The following NOM1 variants were observed in gnomAD, a reference collection of about 807,000 sequenced individuals.
The protein encoded by NOM1 is nucleolar protein with MIF4G domain 1.
In NOM1, 58 loss-of-function variants were observed where a neutral mutation model predicts 73.3. The ratio of observed to expected loss-of-function variants is 0.79; its 90% CI spans 0.64 to 0.99. The LOEUF (loss-of-function observed/expected upper bound fraction) is 0.99, where lower values mean the gene tolerates loss of function less well. Among genes scored for constraint, NOM1 ranks in the 50% least tolerant of loss-of-function variants. The pLI, the probability that NOM1 is intolerant of heterozygous loss-of-function variation, is 0.00. For missense variants in NOM1, 1,226 were observed against 1,131.9 expected, an observed-to-expected ratio of 1.08 and a Z score of -1.19; for synonymous variants, 487 against 446.8, an observed-to-expected ratio of 1.09 and a Z score of -1.14.
rs1804882129 is a variant in NOM1, at chr7:156,962,201, C to T, written c.1683C>T (p.Arg561=). ...TGGCCCTGAAGAACAATGACATGCG[C>T]AAAATTCCAGGCTATGACCCCGAGC... ...TMLALKNNDM[R]KIPGYDPEPV... is the part of the protein sequence containing the mutation. Residue 561 remains arginine, a synonymous_variant, in exon 5 of 11, where the codon CGC becomes CGT. Transcript: ENST00000275820. 6.2e-7 allele frequency: 1 copy of T among 1,614,086 alleles called. No homozygotes were observed. The highest frequency in any genetic ancestry group is 8.5e-7 in the Non-Finnish European group (1 of 1,180,010).
In NOM1 at chr7:156,952,567, C is replaced by T. The variant is rs750275440; in HGVS notation, c.1081C>T (p.Leu361=). The T allele has an allele frequency of 6.2e-7, 1 of 1,614,028 alleles. No individual in the cohort carries two copies. The highest frequency in any genetic ancestry group is 8.5e-7 in the Non-Finnish European group (1 of 1,179,972). Residue 361 remains leucine (L), a synonymous_variant, in exon 2 of 11, where the codon CTG becomes TTG. Transcript: ENST00000275820. ...DFKKKEELER[L]KKHVKGLLNR... is the part of the protein sequence containing the mutation. Reference sequence around the variant, plus strand: ...CAAGAAAAAGGAAGAACTAGAAAGGCTGAAGAAACATGTAAAAGGTCTACT... The same window carrying T: ...CAAGAAAAAGGAAGAACTAGAAAGGTTGAAGAAACATGTAAAAGGTCTACT...
At chr7:156,958,884 G>A (rs930576118) in intron 3 of NOM1, 3 of 152,238 alleles carry the variant, frequency 2.0e-5, no homozygotes, top group African/African-American at 7.2e-5. Context: ...CTACCTTAGT[G>A]CCAGAGACTC....
In NOM1 at chr7:156,973,171, A is replaced by G. The variant is rs940699185; in HGVS notation, c.*3468A>G. On this transcript the variant is annotated 3_prime_UTR_variant, in exon 11 of 11. Coordinates refer to ENST00000275820, the MANE Select transcript of NOM1 (RefSeq NM_138400.2). ...TGCATAAATAAAATTTATTTTTTAT[A>G]TTTTGTTTAGAGTAACAGTGAATGT... The G allele has an allele frequency of 1.3e-5, 2 of 152,148 alleles. No individual in the cohort carries two copies. The highest frequency in any genetic ancestry group is 2.1e-4 in the South Asian group (1 of 4,828). The allele number at this position is 152,148 out of a possible 1,614,324, so 9.4% of individuals were successfully genotyped here.
At chr7:156,968,687 T>TTATATATA (rs6150414) in intron 9 of NOM1, 53 of 132,526 alleles carry the variant, frequency 4.0e-4, no homozygotes, top group South Asian at 1.0e-3. Flanking sequence ...GAAGTAAATT[T>TTATATATA]TATATATATA....
At chr7:156,963,658 G>T in intron 6 of NOM1, 1 of 409,806 alleles carries the variant, frequency 2.4e-6, no homozygotes, top group Non-Finnish European at 4.4e-6. Context: ...TTTATTCATC[G>T]TCGCTTGCCC....
rs778007539 is a variant in NOM1 at position 156,949,791 on chromosome 7, C to T, written c.54C>T (p.Arg18=). ...CCGGCCCGGGCGGCTCCCAGGGACG[C>T]GTGGTCCGCATGAAGCGCAGAGGCG... is the stretch of plus-strand genomic sequence containing the variant. ...GEAGPGGSQG[R]VVRMKRRGGR... Residue 18 remains arginine (R), a synonymous_variant, in exon 1 of 11, where the codon CGC becomes CGT. Transcript: ENST00000275820. The T allele has an allele frequency of 7.0e-7, 1 of 1,425,074 alleles. No homozygotes were observed. Among genetic ancestry groups the T allele is most frequent in the Admixed American group, 3.0e-5 (1 of 33,016 alleles). 88.3% of individuals were successfully genotyped at this position (1,425,074 alleles called of 1,614,324 possible). A position where few individuals can be genotyped will look rare whatever the true frequency, so the allele number is the denominator to read the frequency against.
Position 156,959,995 on chromosome 7 carries a change from G to A in NOM1, c.1453G>A (p.Asp485Asn), listed in dbSNP as rs572149900. Residue 485 changes from aspartate to asparagine, a missense_variant, in exon 4 of 11, where the codon GAC becomes AAC. By Grantham distance (23) the Asp-to-Asn change is conservative. Coordinates refer to ENST00000275820, the MANE Select transcript of NOM1 (RefSeq NM_138400.2). ...CGTGGTACAGTCTCTCCTCATCTTCGACATTTTGAAAAAACTGATTGGAAC... is the reference window on the plus strand; with the variant it reads ...CGTGGTACAGTCTCTCCTCATCTTCAACATTTTGAAAAAACTGATTGGAAC... ...FHVVQSLLIF[D>N]ILKKLIGTFT... The A allele has an allele frequency of 2.5e-5, 41 of 1,614,010 alleles. No individual in the cohort carries two copies. The highest frequency in any genetic ancestry group is 5.5e-5 in the South Asian group (5 of 91,054).
In NOM1 at chr7:156,967,096, C is replaced by T. The variant is rs750349894; in HGVS notation, c.2298+4C>T. On this transcript the variant is annotated splice_donor_region_variant and intron_variant, in intron 9 of 10. Coordinates refer to ENST00000275820, the MANE Select transcript of NOM1 (RefSeq NM_138400.2). Reference sequence around the variant, plus strand: ...GCTTTCCCTTTCCATCTTAAAGGTTCGTGTAACGTGTGAAAATATTGAAAG... The same window carrying T: ...GCTTTCCCTTTCCATCTTAAAGGTTTGTGTAACGTGTGAAAATATTGAAAG... The T allele has an allele frequency of 9.3e-6, 15 of 1,610,022 alleles. No homozygotes were observed. Among genetic ancestry groups the T allele is most frequent in the East Asian group, 4.5e-5 (2 of 44,856 alleles).
At chr7:156,957,755 A>T (rs1214021242) in intron 3 of NOM1, among the ~76,000 whole-genome samples, 1 of 143,944 alleles carries the variant, frequency 6.9e-6, no homozygotes, top group African/African-American at 2.6e-5. Context: ...AGCCTGGGCG[A>T]CAGAGCGAGA....
At position 156,950,178 on chromosome 7, in the gene NOM1, C is replaced by T. The variant is rs772773555; in HGVS notation, c.441C>T (p.Ser147=). The T allele has an allele frequency of 1.2e-6, 2 of 1,605,120 alleles. No individual in the cohort carries two copies. Among genetic ancestry groups the T allele is most frequent in the Admixed American group, 1.7e-5 (1 of 59,100 alleles). The change falls in exon 1 of 11, where the codon TCC becomes TCT. Residue 147 remains serine, a synonymous_variant. Transcript: ENST00000275820. ...DPSPPRKPRP[S]RVKAKATAAT... The stretch of plus-strand genomic sequence containing the variant: ...CGCCTCCCAGGAAGCCGCGGCCGTC[C>T]CGGGTCAAGGCCAAGGCCACGGCCG...
In NOM1 at chr7:156,950,308, C is replaced by G. The variant is rs375761705; in HGVS notation, c.571C>G (p.Arg191Gly). The G allele has an allele frequency of 6.8e-6, 11 of 1,614,008 alleles. No homozygotes were observed. Among genetic ancestry groups the G allele is most frequent in the South Asian group, 1.1e-5 (1 of 91,096 alleles). ...GGACCGAGAGATCCGAAAGCTGGAG[C>G]GTTGCCTCGGTTTGAACAAGCGCAA... ...EEDREIRKLE[R>G]CLGLNKRKKK... The change falls in exon 1 of 11, where the codon CGT becomes GGT. Residue 191 changes from arginine to glycine, a missense_variant. Coordinates refer to ENST00000275820, the MANE Select transcript of NOM1 (RefSeq NM_138400.2).
At chr7:156,966,027 C>T (rs893234253) in intron 7 of NOM1, 15 of 523,760 alleles carry the variant, frequency 2.9e-5, no homozygotes, top group African/African-American at 3.8e-5. Flanking sequence ...TTTGCAGCGA[C>T]GGGGGACCCC....
chr7:156,968,690 TATA>T, intron 9 of NOM1: 1 of 484 alleles, frequency 2.1e-3, no homozygotes, highest in East Asian at 0.014. Context: ...GTAAATTTTA[TATA>T]TATATATATA....
In NOM1 at chr7:156,949,961, GC is replaced by G. The variant is rs1563675598; in HGVS notation, c.227del (p.Pro76ArgfsTer10). The G allele has an allele frequency of 6.5e-7, 1 of 1,541,148 alleles. No individual in the cohort carries two copies. The highest frequency in any genetic ancestry group is 8.7e-7 in the Non-Finnish European group (1 of 1,146,598). On this transcript the variant is annotated frameshift_variant, in exon 1 of 11. Transcript: ENST00000275820. LOFTEE classifies it high-confidence loss of function. ...CEGRGAPVSF[R>X]PGGRKSRKEL... is the part of the protein sequence containing the mutation. ...GGGCGCGGCGCCCCGGTGAGCTTTC[GC>G]CCGGGAGGGAGAAAAAGCCGTAAGG...
intron 4 of NOM1, among the ~76,000 whole-genome samples, chr7:156,961,494 A>G (rs1309181869): frequency 6.6e-6 from 1 of 151,984 alleles, no homozygotes. Context: ...GAGTTGGGGA[A>G]ATGGGGAATG....
rs1026918608 is a variant in NOM1 at position 156,972,361 on chromosome 7, T to G, written c.*2658T>G. 1 of 152,226 alleles carries G rather than the reference T, an allele frequency of 6.6e-6. No homozygotes were observed. Among genetic ancestry groups the G allele is most frequent in the African/African-American group, 2.4e-5 (1 of 41,456 alleles). 9.4% of individuals were successfully genotyped at this position (152,226 alleles called of 1,614,324 possible). ...CATATGCAGTAACCCATGTTTGAGG[T>G]ACAGAATTGAAGCTGATTTTTCTGC... On this transcript the variant is annotated 3_prime_UTR_variant, in exon 11 of 11. Coordinates refer to ENST00000275820, the MANE Select transcript of NOM1 (RefSeq NM_138400.2).
At position 156,972,082 on chromosome 7, in the gene NOM1, A is replaced by G. The variant is rs914611979; in HGVS notation, c.*2379A>G. ...CTTGGGCTAAGGTATAAATCAACACACTGCTTCCTTCCTCCAGAAGGTCTT... is the reference window on the plus strand; with the variant it reads ...CTTGGGCTAAGGTATAAATCAACACGCTGCTTCCTTCCTCCAGAAGGTCTT... On this transcript the variant is annotated 3_prime_UTR_variant, in exon 11 of 11. Coordinates refer to ENST00000275820, the MANE Select transcript of NOM1 (RefSeq NM_138400.2). The G allele has an allele frequency of 1.3e-5, 2 of 152,252 alleles. No individual in the cohort carries two copies. The highest frequency in any genetic ancestry group is 4.8e-5 in the African/African-American group (2 of 41,468). 9.4% of individuals were successfully genotyped at this position (152,252 alleles called of 1,614,324 possible). A position where few individuals can be genotyped will look rare whatever the true frequency, so the allele number is the denominator to read the frequency against.
intron 1 of NOM1, among the ~76,000 whole-genome samples, chr7:156,951,775 T>G (rs1804598534): frequency 6.6e-6 from 1 of 152,004 alleles, no homozygotes. Context: ...TGGTGCAGTC[T>G]CCGCCCACTG....
chr7:156,956,815 A>G (rs544075972), intron 3 of NOM1, among the ~76,000 whole-genome samples: 3 of 152,338 alleles, frequency 2.0e-5, no homozygotes, highest in East Asian at 3.9e-4. Context: ...GTCATTACAA[A>G]GTGATGGAAT....
Sources: allele counts gnomAD v4.1 joint callset (sites outside exome capture counted in the v4.1 genomes callset), GRCh38; gene constraint gnomAD v4.1.1; transcripts MANE v1.5; gene names NCBI Gene and HGNC (gene_info 2026-07-23, HGNC 2026-07-21).